The following GDF7 variants were observed in gnomAD, a reference collection of about 807,000 sequenced individuals.
GDF7 encodes growth/differentiation factor 7.
In GDF7, 12 loss-of-function variants were observed where a neutral mutation model predicts 13.4. That is an observed-to-expected ratio of 0.90 (90% CI 0.57 to 1.45). The LOEUF is 1.45. Among genes scored for constraint, GDF7 ranks in the 40% most tolerant of loss-of-function variants. The pLI, the probability that GDF7 is intolerant of heterozygous loss-of-function variation, is 0.00. For synonymous variants in GDF7, 330 were observed against 306.4 expected (o/e 1.08, Z -0.80); for missense variants, 651 against 652.4 (o/e 1.00, Z 0.02).
chr2:20,670,331 C>A, intron 1 of GDF7, 133 bp from the exon 2 acceptor site: 1 of 990,232 alleles, frequency 1.0e-6, no homozygotes, highest in Non-Finnish European at 1.4e-6. Flanking sequence ...CGGAGTCGGG[C>A]GCTGGCTCCA....
intron 1 of GDF7, among the ~76,000 whole-genome samples, chr2:20,669,093 G>A (rs895080338): frequency 6.6e-6 from 1 of 152,196 alleles, no homozygotes; most frequent in Admixed American, 6.5e-5. Context: ...CCTCTTGGGG[G>A]AAACAGAGTG....
Position 20,674,649 on chromosome 2 carries a change from T to C in GDF7, c.*3224T>C, listed in dbSNP as rs191068996. The C allele has an allele frequency of 6.6e-6, 1 of 152,260 alleles. No individual in the cohort carries two copies. The highest frequency in any genetic ancestry group is 2.4e-5 in the African/African-American group (1 of 41,464). The allele number at this position is 152,260 out of a possible 1,614,324, so 9.4% of individuals were successfully genotyped here. A position where few individuals can be genotyped will look rare whatever the true frequency, so the allele number is the denominator to read the frequency against. On this transcript the variant is annotated 3_prime_UTR_variant, in exon 2 of 2. Coordinates refer to ENST00000272224, the MANE Select transcript of GDF7 (RefSeq NM_182828.4). ...GCCGCACTGGGTCTTCCAGAGAAGGTGGCAGGCTTTGCTGTGTTAGCTTGG... is the reference window on the plus strand; with the variant it reads ...GCCGCACTGGGTCTTCCAGAGAAGGCGGCAGGCTTTGCTGTGTTAGCTTGG...
In GDF7 at chr2:20,671,040, C is replaced by A. The variant is rs1275054268; in HGVS notation, c.968C>A (p.Ala323Glu). The A allele has an allele frequency of 6.6e-7, 1 of 1,517,930 alleles. No homozygotes were observed. 94.0% of individuals were successfully genotyped at this position (1,517,930 alleles called of 1,614,324 possible). ...VIGGRRRRRT[A>E]LAGTRTAQGS... is the part of the protein sequence containing the mutation. The stretch of plus-strand genomic sequence containing the variant: ...GGCGGCCGCAGACGGAGGAGGACGG[C>A]GTTGGCCGGGACGCGGACAGCGCAG... The change falls in exon 2 of 2, where the codon GCG becomes GAG. Residue 323 changes from alanine (A) to glutamate (E), a missense_variant. Around this residue, in one of 4 missense-constraint regions of GDF7, gnomAD observed 487 missense variants for 445.9 expected, o/e 1.09. Coordinates refer to ENST00000272224, the MANE Select transcript of GDF7 (RefSeq NM_182828.4).
chr2:20,669,605 C>T (rs1223564103), intron 1 of GDF7, among the ~76,000 whole-genome samples: 1 of 152,196 alleles, frequency 6.6e-6, no homozygotes, highest in Non-Finnish European at 1.5e-5. Flanking sequence ...AAGGTCATTC[C>T]GGGATGCCCC....
Position 20,670,978 on chromosome 2 carries a change from C to T in GDF7, c.906C>T (p.Asp302=), listed in dbSNP as rs760073871. 2.6e-5 allele frequency: 41 copies of T among 1,557,208 alleles called. No individual in the cohort carries two copies. Among genetic ancestry groups the T allele is most frequent in the Non-Finnish European group, 1.7e-6 (2 of 1,157,976 alleles). ...GAALASEPLP[D]PGTGTASPRA... ...CTCTGGCCTCAGAGCCGCTGCCCGA[C>T]CCAGGAACCGGCACCGCGTCGCCAA... is the stretch of plus-strand genomic sequence containing the variant. Residue 302 remains aspartate (D), a synonymous_variant, in exon 2 of 2, where the codon GAC becomes GAT. Transcript: ENST00000272224.
In GDF7 at chr2:20,670,747, C is replaced by T. The variant is rs1428273270; in HGVS notation, c.675C>T (p.Arg225=). ...TGAGGCGCCACCGTCGTGAACCGCG[C>T]CCCCCCCGCGCGTTCTGCCTCTTGC... ...DAMRRHRREP[R]PPRAFCLLLR... is the part of the protein sequence containing the mutation. Residue 225 remains arginine, a synonymous_variant, in exon 2 of 2, where the codon CGC becomes CGT. Coordinates refer to ENST00000272224, the MANE Select transcript of GDF7 (RefSeq NM_182828.4). The T allele has an allele frequency of 2.0e-6, 3 of 1,476,044 alleles. No homozygotes were observed. The highest frequency in any genetic ancestry group is 1.8e-6 in the Non-Finnish European group (2 of 1,118,980). 91.4% of individuals were successfully genotyped at this position (1,476,044 alleles called of 1,614,324 possible).
rs996637606 is a variant in GDF7 at position 20,677,647 on chromosome 2, C to G, written c.*6222C>G. 7 of 152,234 alleles carry G rather than the reference C, an allele frequency of 4.6e-5. No individual in the cohort carries two copies. Among genetic ancestry groups the G allele is most frequent in the African/African-American group, 1.7e-4 (7 of 41,450 alleles). The allele number at this position is 152,234 out of a possible 1,614,324, so 9.4% of individuals were successfully genotyped here. A position where few individuals can be genotyped will look rare whatever the true frequency, so the allele number is the denominator to read the frequency against. On this transcript the variant is annotated 3_prime_UTR_variant, in exon 2 of 2. Coordinates refer to ENST00000272224, the MANE Select transcript of GDF7 (RefSeq NM_182828.4). ...CTGCTGAATTAGAAGGAAACAGGAA[C>G]GAATCCAAAGCAAACGGGGCTAAAC...
rs1170754443 is a variant in GDF7 at position 20,674,783 on chromosome 2, C to G, written c.*3358C>G. ...TTGTGTGATAGAAGAATCCAGACTCCACGAAGCCAAGGACAGTCACTTCTC... is the reference window on the plus strand; with the variant it reads ...TTGTGTGATAGAAGAATCCAGACTCGACGAAGCCAAGGACAGTCACTTCTC... On this transcript the variant is annotated 3_prime_UTR_variant, in exon 2 of 2. Transcript: ENST00000272224. The G allele has an allele frequency of 1.3e-5, 2 of 152,130 alleles. No homozygotes were observed. The highest frequency in any genetic ancestry group is 4.8e-5 in the African/African-American group (2 of 41,410). The allele number at this position is 152,130 out of a possible 1,614,324, so 9.4% of individuals were successfully genotyped here.
rs770149085 is a variant in GDF7 at position 20,675,148 on chromosome 2, C to T, written c.*3723C>T. The T allele has an allele frequency of 5.3e-5, 8 of 152,192 alleles. No individual in the cohort carries two copies. Among genetic ancestry groups the T allele is most frequent in the Admixed American group, 1.3e-4 (2 of 15,284 alleles). The allele number at this position is 152,192 out of a possible 1,614,324, so 9.4% of individuals were successfully genotyped here. ...CTGGGGGCACAGAATCACTGGGCCT[C>T]GCTGATTCTCATGAGAACCTGTCAT... is the stretch of plus-strand genomic sequence containing the variant. On this transcript the variant is annotated 3_prime_UTR_variant, in exon 2 of 2. Transcript: ENST00000272224.
At position 20,667,999 on chromosome 2, in the gene GDF7, G is replaced by A. The variant is rs1297007183; in HGVS notation, c.391+369G>A. ...AAAGGAGGGCAAGAGCTGTGTTCCC[G>A]GGAGTCACGGCGAGAGGGACTGCAC... On this transcript the variant is annotated intron_variant, in intron 1 of 1. Coordinates refer to ENST00000272224, the MANE Select transcript of GDF7 (RefSeq NM_182828.4). This position sits in a 1 kb window ranked among gnomAD's most constrained non-coding sequence, Gnocchi z 6.4. Among the ~76,000 whole-genome samples the A allele has an allele frequency of 6.6e-6, 1 of 152,230 alleles. No individual in the cohort carries two copies. Among genetic ancestry groups the A allele is most frequent in the Non-Finnish European group, 1.5e-5 (1 of 68,028 alleles).
In GDF7 at chr2:20,667,476, C is replaced by A; in HGVS notation, c.237C>A (p.Ser79=). ...GCGCCGCGCGCCGCGCCGCGGGCTC[C>A]GGCTTCAGGAACGGCTCGGTGGTGC... is the stretch of plus-strand genomic sequence containing the variant. ...RARAARRAAG[S]GFRNGSVVPH... is the part of the protein sequence containing the mutation. Residue 79 remains serine (S), a synonymous_variant, in exon 1 of 2, where the codon TCC becomes TCA. Transcript: ENST00000272224. The surrounding 1 kb of genome is among the most constrained non-coding windows in gnomAD (Gnocchi z 6.4). The A allele has an allele frequency of 7.9e-7, 1 of 1,261,376 alleles. No individual in the cohort carries two copies. Among genetic ancestry groups the A allele is most frequent in the East Asian group, 3.2e-5 (1 of 31,300 alleles). The allele number at this position is 1,261,376 out of a possible 1,614,324, so 78.1% of individuals were successfully genotyped here. A position where few individuals can be genotyped will look rare whatever the true frequency, so the allele number is the denominator to read the frequency against.
At position 20,677,966 on chromosome 2, in the gene GDF7, GGCAGCA is replaced by G. The variant is rs770614677; in HGVS notation, c.*6556_*6561del. 5 of 153,944 alleles carry G rather than the reference GGCAGCA, an allele frequency of 3.2e-5. No individual in the cohort carries two copies. Among genetic ancestry groups the G allele is most frequent in the Admixed American group, 6.5e-5 (1 of 15,304 alleles). The allele number at this position is 153,944 out of a possible 1,614,324, so 9.5% of individuals were successfully genotyped here. ...TGTCCTGGATCCTCCCCTGGCCTGG[GGCAGCA>G]GCAGCAGCAGCAGCTGGGCTTGGGG... On this transcript the variant is annotated 3_prime_UTR_variant, in exon 2 of 2. Transcript: ENST00000272224.
chr2:20,670,361 C>A, intron 1 of GDF7, 103 bp from the exon 2 acceptor site: 2 of 1,270,186 alleles, frequency 1.6e-6, no homozygotes, highest in Non-Finnish European at 2.1e-6. Context: ...GCTCCCACAT[C>A]GAAGACAGCT....
intron 1 of GDF7, among the ~76,000 whole-genome samples, chr2:20,669,090 G>A (rs1362379802): frequency 6.6e-6 from 1 of 152,210 alleles, no homozygotes; most frequent in African/African-American, 2.4e-5. Context: ...CTCCCTCTTG[G>A]GGGAAACAGA....
rs1484526392 is a variant in GDF7, at chr2:20,674,556, A to G, written c.*3131A>G. On this transcript the variant is annotated 3_prime_UTR_variant, in exon 2 of 2. Transcript: ENST00000272224. Reference sequence around the variant, plus strand: ...TTTCGTATTAAGGAGGATCACCCACACTGGCAGGCGGGCATTTCCACTGAT... The same window carrying G: ...TTTCGTATTAAGGAGGATCACCCACGCTGGCAGGCGGGCATTTCCACTGAT... 1 of 152,264 alleles carries G rather than the reference A, an allele frequency of 6.6e-6. No individual in the cohort carries two copies. Among genetic ancestry groups the G allele is most frequent in the Non-Finnish European group, 1.5e-5 (1 of 68,088 alleles). The allele number at this position is 152,264 out of a possible 1,614,324, so 9.4% of individuals were successfully genotyped here.
In GDF7 at chr2:20,678,800, T is replaced by C. The variant is rs1252681723; in HGVS notation, c.*7375T>C. The C allele has an allele frequency of 6.6e-6, 1 of 152,252 alleles. No individual in the cohort carries two copies. The highest frequency in any genetic ancestry group is 1.9e-4 in the East Asian group (1 of 5,202). 9.4% of individuals were successfully genotyped at this position (152,252 alleles called of 1,614,324 possible). ...TTCGCTTTGCAGTGACACCCACTTT[T>C]TCTTAGCTTGGCTTGGGAGTAAGGA... On this transcript the variant is annotated 3_prime_UTR_variant, in exon 2 of 2. Transcript: ENST00000272224.
In GDF7 at chr2:20,673,325, C is replaced by T. The variant is rs1378777215; in HGVS notation, c.*1900C>T. 1 of 152,092 alleles carries T rather than the reference C, an allele frequency of 6.6e-6. No homozygotes were observed. Among genetic ancestry groups the T allele is most frequent in the African/African-American group, 2.4e-5 (1 of 41,384 alleles). The allele number at this position is 152,092 out of a possible 1,614,324, so 9.4% of individuals were successfully genotyped here. On this transcript the variant is annotated 3_prime_UTR_variant, in exon 2 of 2. Coordinates refer to ENST00000272224, the MANE Select transcript of GDF7 (RefSeq NM_182828.4). ...ATAACCAGAACATGAACAGTCTCTT[C>T]AGGTTAAAAATTTTAAAAATATCCA...
chr2:20,667,194 G>C lies in GDF7; in HGVS notation c.-46G>C. On this transcript the variant is annotated 5_prime_UTR_variant, in exon 1 of 2. Coordinates refer to ENST00000272224, the MANE Select transcript of GDF7 (RefSeq NM_182828.4). The surrounding 1 kb of genome is among the most constrained non-coding windows in gnomAD (Gnocchi z 6.4). ...TTCAAAAGGCGCCGGGGGACTTCCC[G>C]GAGCCACGGAGCCCGCGCCGCCCGC... 1 of 1,129,714 alleles carries C rather than the reference G, an allele frequency of 8.9e-7. No homozygotes were observed. The highest frequency in any genetic ancestry group is 1.1e-6 in the Non-Finnish European group (1 of 923,002). The allele number at this position is 1,129,714 out of a possible 1,614,324, so 70.0% of individuals were successfully genotyped here. A position where few individuals can be genotyped will look rare whatever the true frequency, so the allele number is the denominator to read the frequency against.
In GDF7 at chr2:20,670,678, C is replaced by G; in HGVS notation, c.606C>G (p.Pro202=). ...TGCTGTACTCGCGGGCAGCTGAGCC[C>G]CTAGTCGGTCAGCGCTGGGAGGCGT... is the stretch of plus-strand genomic sequence containing the variant. ...PRLLYSRAAE[P]LVGQRWEAFD... Residue 202 remains proline, a synonymous_variant, in exon 2 of 2, where the codon CCC becomes CCG. Transcript: ENST00000272224. The G allele has an allele frequency of 1.3e-6, 2 of 1,516,690 alleles. No homozygotes were observed. Among genetic ancestry groups the G allele is most frequent in the Non-Finnish European group, 1.8e-6 (2 of 1,136,284 alleles). The allele number at this position is 1,516,690 out of a possible 1,614,324, so 94.0% of individuals were successfully genotyped here. A position where few individuals can be genotyped will look rare whatever the true frequency, so the allele number is the denominator to read the frequency against.
Sources: gnomAD v4.1 joint callset for allele counts (sites outside exome capture counted in the v4.1 genomes callset) on GRCh38, gnomAD v4.1.1 for gene constraint, gnomAD v4.1.1 regional missense constraint, Gnocchi (gnomAD v3.1) non-coding constraint, MANE v1.5 for transcripts, NCBI Gene and HGNC (gene_info 2026-07-23, HGNC 2026-07-21) for gene names.